ACVR1B: variants seen among roughly 807,000 people sequenced by gnomAD.
ACVR1B encodes activin receptor type-1B.
ACVR1B carries 15 observed loss-of-function variants against 55.6 expected under a neutral mutation model. That is an observed-to-expected ratio of 0.27 (90% CI 0.18 to 0.42). The LOEUF (loss-of-function observed/expected upper bound fraction) is 0.42, where lower values mean the gene tolerates loss of function less well. ACVR1B is among the 10% of genes least tolerant of loss of function. The probability of loss-of-function intolerance (pLI) is 1.00; values close to 1 mark genes in which losing one functional copy is unlikely to be tolerated. For synonymous variants in ACVR1B, 247 were observed against 254.6 expected (o/e 0.97, Z 0.28); for missense variants, 359 against 670.1 (o/e 0.54, Z 5.13).
intron 1 of ACVR1B, among the ~76,000 whole-genome samples, chr12:51,955,394 G>A (rs1055553829): frequency 1.3e-5 from 2 of 152,202 alleles, no homozygotes; most frequent in African/African-American, 2.4e-5. Context: ...ATCAGTAAAC[G>A]ATGAGACGTG....
At chr12:51,978,304 G>A (rs911313880) in intron 3 of ACVR1B, among the ~76,000 whole-genome samples, 1 of 152,194 alleles carries the variant, frequency 6.6e-6, no homozygotes, top group East Asian at 1.9e-4. Flanking sequence ...CTGAAACAAG[G>A]GAAGGGCCAT....
intron 1 of ACVR1B, among the ~76,000 whole-genome samples, chr12:51,953,152 C>T (rs896520662): frequency 6.6e-6 from 1 of 152,160 alleles, no homozygotes; most frequent in South Asian, 2.1e-4. Context: ...TTTGACTTCT[C>T]AGCAGCCCCT....
chr12:51,987,278 C>A, intron 7 of ACVR1B: 1 of 609,704 alleles, frequency 1.6e-6, no homozygotes, highest in Non-Finnish European at 2.9e-6. Flanking sequence ...TCCTTCACAT[C>A]AGAAGCAGTA....
intron 1 of ACVR1B, among the ~76,000 whole-genome samples, chr12:51,963,503 G>A (rs1286100930): frequency 6.6e-6 from 1 of 152,200 alleles, no homozygotes; most frequent in African/African-American, 2.4e-5. Context: ...CTCCCAAAGT[G>A]CTGGGATTAT....
chr12:51,972,442 TC>T (rs965235186), intron 1 of ACVR1B, among the ~76,000 whole-genome samples: 75 of 152,290 alleles, frequency 4.9e-4, no homozygotes, highest in African/African-American at 1.5e-3. Context: ...CCTACAGTAT[TC>T]AGTACAGTTA....
At chr12:51,986,303 A>G (rs544440745) in intron 6 of ACVR1B, among the ~76,000 whole-genome samples, 6 of 152,176 alleles carry the variant, frequency 3.9e-5, no homozygotes, top group Non-Finnish European at 8.8e-5. Flanking sequence ...TTGTTGCCCA[A>G]GCTGGAGTGC....
At chr12:51,979,826 G>A (rs987727739) in intron 3 of ACVR1B, among the ~76,000 whole-genome samples, 1 of 152,176 alleles carries the variant, frequency 6.6e-6, no homozygotes, top group Non-Finnish European at 1.5e-5. Flanking sequence ...GCCTTCTGTT[G>A]GGAAGGGTGG....
intron 1 of ACVR1B, chr12:51,953,594 T>TAAA (rs11404836): frequency 1.3e-4 from 100 of 743,924 alleles, no homozygotes; most frequent in African/African-American, 3.5e-4. Flanking sequence ...TACTGGGTAG[T>TAAA]AAAAAAAAAA....
At chr12:51,983,028 T>A (rs2172603) in intron 4 of ACVR1B, among the ~76,000 whole-genome samples, 13,085 of 152,188 alleles carry the variant, frequency 0.086, 1,625 homozygotes, top group African/African-American at 0.27. Context: ...TTATTGATTC[T>A]GGCAGCTTGT....
chr12:51,956,680 A>G lies in ACVR1B; in HGVS notation c.91+4846A>G, dbSNP rs75014366. Reference sequence around the variant, plus strand: ...TACCAAATCTTCAACCATTGCTCCTAGGGGAAATACAGGGCTAGGTTCCTG... The same window carrying G: ...TACCAAATCTTCAACCATTGCTCCTGGGGGAAATACAGGGCTAGGTTCCTG... On this transcript the variant is annotated intron_variant, in intron 1 of 8. Transcript: ENST00000257963. Among the ~76,000 whole-genome samples, 1,088 of 152,334 alleles carry G rather than the reference A, an allele frequency of 7.1e-3. 12 individuals carry two copies. Among genetic ancestry groups the G allele is most frequent in the African/African-American group, 0.025 (1,021 of 41,564 alleles).
At chr12:51,970,559 A>G (rs781414378) in intron 1 of ACVR1B, among the ~76,000 whole-genome samples, 5 of 152,220 alleles carry the variant, frequency 3.3e-5, no homozygotes, top group Admixed American at 6.5e-5. Context: ...TGATCCTGCA[A>G]TCACAGTTGT....
At chr12:51,976,927 G>A (rs1380141732) in intron 3 of ACVR1B, among the ~76,000 whole-genome samples, 1 of 152,196 alleles carries the variant, frequency 6.6e-6, no homozygotes, top group Non-Finnish European at 1.5e-5. Context: ...ACAGGAGTGT[G>A]CCAGATTCCT....
chr12:51,964,612 C>T (rs1399126458), intron 1 of ACVR1B, among the ~76,000 whole-genome samples: 1 of 152,090 alleles, frequency 6.6e-6, no homozygotes, highest in Non-Finnish European at 1.5e-5. Flanking sequence ...ATATTTAGGT[C>T]TTTGATCTAT....
At chr12:51,960,128 TAC>T (rs1941489262) in intron 1 of ACVR1B, 1 of 152,296 alleles carries the variant, frequency 6.6e-6, no homozygotes, top group South Asian at 2.1e-4. Flanking sequence ...TTTGGAAGTT[TAC>T]ACACAGAGAC....
At chr12:51,972,492 C>T (rs1338052616) in intron 1 of ACVR1B, among the ~76,000 whole-genome samples, 7 of 152,206 alleles carry the variant, frequency 4.6e-5, no homozygotes, top group Admixed American at 2.6e-4. Flanking sequence ...CAAGAGGCTA[C>T]ACCACTTAGA....
intron 1 of ACVR1B, among the ~76,000 whole-genome samples, chr12:51,965,038 C>T (rs1353759836): frequency 1.3e-5 from 2 of 151,990 alleles, no homozygotes; most frequent in Non-Finnish European, 2.9e-5. Flanking sequence ...ATTGTATTGA[C>T]TCTCATCTGA....
At position 51,994,263 on chromosome 12, in the gene ACVR1B, G is replaced by A. The variant is rs966591158; in HGVS notation, c.*153G>A. The stretch of plus-strand genomic sequence containing the variant: ...GAGGGACAGAGCCCGGGAGAGACTC[G>A]CTCACTCCCATGTTGGGTTTGAGAC... On this transcript the variant is annotated 3_prime_UTR_variant, in exon 9 of 9. Coordinates refer to ENST00000257963, the MANE Select transcript of ACVR1B (RefSeq NM_004302.5). This position sits in a 1 kb window ranked among gnomAD's most constrained non-coding sequence, Gnocchi z 4.2. 7.6e-6 allele frequency: 8 copies of A among 1,054,762 alleles called. No homozygotes were observed. Among genetic ancestry groups the A allele is most frequent in the South Asian group, 6.2e-5 (4 of 64,092 alleles). 65.3% of individuals were successfully genotyped at this position (1,054,762 alleles called of 1,614,324 possible). A position where few individuals can be genotyped will look rare whatever the true frequency, so the allele number is the denominator to read the frequency against.
intron 1 of ACVR1B, among the ~76,000 whole-genome samples, chr12:51,967,760 A>G (rs759894432): frequency 9.2e-5 from 14 of 152,332 alleles, no homozygotes; most frequent in Non-Finnish European, 1.5e-4. Flanking sequence ...TGCATTTTCT[A>G]ATTGGGCAGC....
At chr12:51,958,686 A>G (rs1020478243) in intron 1 of ACVR1B, among the ~76,000 whole-genome samples, 2 of 152,118 alleles carry the variant, frequency 1.3e-5, no homozygotes, top group African/African-American at 4.8e-5. Flanking sequence ...AGGCACATCA[A>G]GCATGTTAGA....
Sources: allele counts gnomAD v4.1 joint callset (sites outside exome capture counted in the v4.1 genomes callset), GRCh38; gene constraint gnomAD v4.1.1; non-coding constraint Gnocchi (gnomAD v3.1); transcripts MANE v1.5; gene names NCBI Gene and HGNC (gene_info 2026-07-23, HGNC 2026-07-21).